The following FRMD4B variants were observed in gnomAD, a reference collection of about 807,000 sequenced individuals.
FRMD4B encodes FERM domain-containing protein 4B.
In FRMD4B, 74 loss-of-function variants were observed where a neutral mutation model predicts 141.5. The ratio of observed to expected loss-of-function variants is 0.52; its 90% CI spans 0.43 to 0.63. The LOEUF is 0.63. Ranked by LOEUF, FRMD4B falls within the 30% of genes least tolerant of loss-of-function variation. The pLI is 0.00. For synonymous variants in FRMD4B, 506 were observed against 467.9 expected, an observed-to-expected ratio of 1.08 and a Z score of -1.05; for missense variants, 1,366 against 1,253.4, an observed-to-expected ratio of 1.09 and a Z score of -1.36.
intron 7 of FRMD4B, among the ~76,000 whole-genome samples, chr3:69,247,887 G>A (rs1256484968): frequency 2.0e-5 from 3 of 152,214 alleles, no homozygotes; most frequent in African/African-American, 7.2e-5. Flanking sequence ...CTGACCTTGT[G>A]ATCTGCCCGC....
intron 11 of FRMD4B, among the ~76,000 whole-genome samples, chr3:69,213,962 G>A (rs1369048524): frequency 6.6e-6 from 1 of 151,972 alleles, no homozygotes; most frequent in Non-Finnish European, 1.5e-5. Flanking sequence ...ACAGGCATGA[G>A]CCACCACCCT....
At chr3:69,363,266 A>T in intron 1 of FRMD4B, among the ~76,000 whole-genome samples, 1 of 66,996 alleles carries the variant, frequency 1.5e-5, no homozygotes, top group African/African-American at 1.5e-4. Flanking sequence ...TTTTTTTTTA[A>T]ATAGAGATGG....
At chr3:69,223,294 T>A (rs965691810) in intron 8 of FRMD4B, among the ~76,000 whole-genome samples, 1 of 152,050 alleles carries the variant, frequency 6.6e-6, no homozygotes, top group Non-Finnish European at 1.5e-5. Flanking sequence ...GGCAGGCGGA[T>A]CACGAGGTCA....
chr3:69,520,276 AAT>A (rs57922174), intron 1 of FRMD4B, among the ~76,000 whole-genome samples: 14 of 94,050 alleles, frequency 1.5e-4, no homozygotes, highest in Middle Eastern at 5.2e-3. Flanking sequence ...TATATGATGG[AAT>A]ATATATATAT....
intron 1 of FRMD4B, among the ~76,000 whole-genome samples, chr3:69,447,116 T>A (rs548209189): frequency 1.3e-5 from 2 of 152,284 alleles, no homozygotes; most frequent in East Asian, 3.9e-4. Context: ...TAAATGGGTA[T>A]CAAATGAAGG....
intron 19 of FRMD4B, among the ~76,000 whole-genome samples, chr3:69,184,275 A>G (rs2092742050): frequency 6.6e-6 from 1 of 152,204 alleles, no homozygotes; most frequent in Non-Finnish European, 1.5e-5. Context: ...CTAAGCACAT[A>G]AACTTATTAG....
At chr3:69,230,421 G>C (rs976761176) in intron 7 of FRMD4B, among the ~76,000 whole-genome samples, 6 of 152,048 alleles carry the variant, frequency 3.9e-5, no homozygotes, top group Non-Finnish European at 7.4e-5. Flanking sequence ...TCCTCTGCTA[G>C]GTATATTCCC....
intron 5 of FRMD4B, among the ~76,000 whole-genome samples, chr3:69,277,459 T>G (rs945496539): frequency 3.3e-5 from 5 of 151,802 alleles, no homozygotes; most frequent in African/African-American, 1.2e-4. Flanking sequence ...CTTTTTTGGC[T>G]TTATTATTTA....
At chr3:69,189,245 AAG>A (rs1553696996) in intron 18 of FRMD4B, among the ~76,000 whole-genome samples, 17 of 148,954 alleles carry the variant, frequency 1.1e-4, no homozygotes, top group African/African-American at 3.8e-4. Flanking sequence ...AAAAAAAAAA[AAG>A]AGAGAGAGAG....
intron 2 of FRMD4B, among the ~76,000 whole-genome samples, chr3:69,416,698 C>G (rs1376942617): frequency 6.6e-6 from 1 of 152,110 alleles, no homozygotes; most frequent in Non-Finnish European, 1.5e-5. Flanking sequence ...CTATCCATCC[C>G]CTTGCCCCCA....
intron 10 of FRMD4B, among the ~76,000 whole-genome samples, chr3:69,217,004 G>A (rs986474640): frequency 1.3e-5 from 2 of 151,354 alleles, no homozygotes; most frequent in African/African-American, 4.9e-5. Flanking sequence ...AAAGCTCTTT[G>A]CCTCTTAATT....
chr3:69,202,477 C>T (rs1182399222), intron 11 of FRMD4B, among the ~76,000 whole-genome samples: 2 of 127,362 alleles, frequency 1.6e-5, no homozygotes, highest in Non-Finnish European at 3.3e-5. Context: ...CTATTAGAGA[C>T]TTAAAAAAAA....
At chr3:69,429,045 G>T (rs1705132470) in intron 2 of FRMD4B, among the ~76,000 whole-genome samples, 1 of 152,056 alleles carries the variant, frequency 6.6e-6, no homozygotes, top group Admixed American at 6.6e-5. Flanking sequence ...ACACCATTTT[G>T]GCAGCTTTTT....
intron 1 of FRMD4B, among the ~76,000 whole-genome samples, chr3:69,504,096 T>G (rs1343833823): frequency 6.6e-6 from 1 of 152,220 alleles, no homozygotes; most frequent in Non-Finnish European, 1.5e-5. Flanking sequence ...GGCATATGTT[T>G]TTTTGAGACC....
chr3:69,189,840 C>A, intron 18 of FRMD4B, 56 bp downstream of exon 18: 1 of 1,053,972 alleles, frequency 9.5e-7, no homozygotes, highest in Non-Finnish European at 1.5e-6. Flanking sequence ...AGAAAATTAT[C>A]TTAATTATTT....
chr3:69,220,279 A>G (rs911578310), intron 9 of FRMD4B, among the ~76,000 whole-genome samples: 14 of 152,226 alleles, frequency 9.2e-5, no homozygotes, highest in African/African-American at 3.1e-4. Context: ...GTAGGCAATT[A>G]TAATACAATG....
intron 2 of FRMD4B, among the ~76,000 whole-genome samples, chr3:69,396,538 CCT>C (rs1704476569): frequency 6.6e-6 from 1 of 151,976 alleles, no homozygotes; most frequent in Non-Finnish European, 1.5e-5. Flanking sequence ...AAAACATATC[CCT>C]CTTTGAAGAG....
intron 1 of FRMD4B, among the ~76,000 whole-genome samples, chr3:69,343,050 C>T (rs1468138773): frequency 6.6e-6 from 1 of 152,014 alleles, no homozygotes; most frequent in Non-Finnish European, 1.5e-5. Flanking sequence ...GACTCCTGGG[C>T]TCAAGCAATC....
In FRMD4B at chr3:69,396,487, A is replaced by G. The variant is rs568875339; in HGVS notation, c.-1+36147T>C. ...ATCACTGCACTTTAGCCTGGGTGACAGAGTGAGACTCTGTCTCATAAAAAA... is the reference window on the plus strand; with the variant it reads ...ATCACTGCACTTTAGCCTGGGTGACGGAGTGAGACTCTGTCTCATAAAAAA... On this transcript the variant is annotated intron_variant, in intron 2 of 5. Transcript: ENST00000459638. Among the ~76,000 whole-genome samples, 234 of 151,970 alleles carry G rather than the reference A, an allele frequency of 1.5e-3. 3 individuals are homozygous for G. The highest frequency in any genetic ancestry group is 6.8e-3 in the Middle Eastern group (2 of 294).
Sources: gnomAD v4.1 joint callset for allele counts (sites outside exome capture counted in the v4.1 genomes callset) on GRCh38, gnomAD v4.1.1 for gene constraint, MANE v1.5 for transcripts, NCBI Gene and HGNC (gene_info 2026-07-23, HGNC 2026-07-21) for gene names.